The following UCHL5 variants were observed in gnomAD, a reference collection of about 807,000 sequenced individuals.
The protein encoded by UCHL5 is ubiquitin carboxyl-terminal hydrolase isozyme L5.
A neutral mutation model predicts 53.8 loss-of-function variants in UCHL5; 34 were observed. The observed-to-expected ratio is 0.63, with a 90% confidence interval of 0.48 to 0.84. The LOEUF (loss-of-function observed/expected upper bound fraction) is 0.84. Ranked by LOEUF, UCHL5 falls within the 40% of genes least tolerant of loss-of-function variation. The pLI is 0.00. For synonymous variants in UCHL5, 111 were observed against 126.3 expected (o/e 0.88, Z 0.81); for missense variants, 290 against 385.6 (o/e 0.75, Z 2.08).
At chr1:193,025,722 C>G (rs1282739531) in intron 7 of UCHL5, among the ~76,000 whole-genome samples, 1 of 152,096 alleles carries the variant, frequency 6.6e-6, no homozygotes, top group Non-Finnish European at 1.5e-5. Flanking sequence ...CTGTCAGAGC[C>G]ATGTCCATAA....
chr1:193,020,203 T>A lies in UCHL5; in HGVS notation c.942+894A>T. The stretch of plus-strand genomic sequence containing the variant: ...TAAGGTAATATACACAAAAAACTTA[T>A]TAGCTCACATCTCATATTATTTAGA... On this transcript the variant is annotated intron_variant, in intron 10 of 10. Transcript: ENST00000367454. The A allele has an allele frequency of 2.2e-6, 3 of 1,379,870 alleles. No homozygotes were observed. In the South Asian group the frequency reaches 5.6e-5, roughly 26 times the overall value. The allele number at this position is 1,379,870 out of a possible 1,614,324, so 85.5% of individuals were successfully genotyped here. A position where few individuals can be genotyped will look rare whatever the true frequency, so the allele number is the denominator to read the frequency against.
intron 2 of UCHL5, among the ~76,000 whole-genome samples, chr1:193,050,997 T>C (rs1668866031): frequency 6.6e-6 from 1 of 152,192 alleles, no homozygotes; most frequent in African/African-American, 2.4e-5. Flanking sequence ...TGATCTCATT[T>C]CATCTAAAGT....
intron 3 of UCHL5, among the ~76,000 whole-genome samples, chr1:193,040,289 C>T (rs1665101775): frequency 6.6e-6 from 1 of 152,046 alleles, no homozygotes. Flanking sequence ...GAAGCTCAAG[C>T]AACTCAACAG....
chr1:193,022,871 T>C, intron 9 of UCHL5, 55 bp downstream of exon 9: 1 of 1,266,264 alleles, frequency 7.9e-7, no homozygotes, highest in Middle Eastern at 2.7e-4. Context: ...ACCTTCATCT[T>C]GAAATATACT....
chr1:193,025,122 C>T (rs1658679149), intron 7 of UCHL5, among the ~76,000 whole-genome samples: 1 of 152,002 alleles, frequency 6.6e-6, no homozygotes, highest in Non-Finnish European at 1.5e-5. Context: ...ACCAGCAACC[C>T]AGAAATACCA....
At chr1:193,037,920 C>A (rs1664131391) in intron 3 of UCHL5, among the ~76,000 whole-genome samples, 1 of 141,504 alleles carries the variant, frequency 7.1e-6, no homozygotes, top group Admixed American at 7.1e-5. Flanking sequence ...AGGTCATTTA[C>A]CTTGATTAAG....
chr1:193,047,601 C>CT (rs758142898), intron 3 of UCHL5, among the ~76,000 whole-genome samples: 5 of 152,100 alleles, frequency 3.3e-5, no homozygotes, highest in Non-Finnish European at 5.9e-5. Flanking sequence ...TATTTTCCAC[C>CT]TTTCTAAAGG....
intron 10 of UCHL5, among the ~76,000 whole-genome samples, chr1:193,017,085 A>G (rs1054913497): frequency 6.6e-6 from 1 of 151,738 alleles, no homozygotes; most frequent in Non-Finnish European, 1.5e-5. Flanking sequence ...TTGCTTCTCA[A>G]TGTATATACC....
intron 2 of UCHL5, among the ~76,000 whole-genome samples, chr1:193,050,779 C>A (rs1266785011): frequency 6.6e-6 from 1 of 151,404 alleles, no homozygotes; most frequent in Non-Finnish European, 1.5e-5. Context: ...GGTTTCCTAT[C>A]TTTTTATTTG....
chr1:193,016,469 A>G (rs1163871314), intron 10 of UCHL5, 74 bp from the exon 11 acceptor site: 6 of 1,382,962 alleles, frequency 4.3e-6, no homozygotes, highest in Non-Finnish European at 5.9e-6. Flanking sequence ...AATGTGCCTA[A>G]GAGGGTATTC....
In UCHL5 at chr1:193,023,666, C is replaced by T. The variant is rs547266754; in HGVS notation, c.732+178G>A. 1.0e-3 allele frequency among the ~76,000 whole-genome samples: 153 copies of T among 152,248 alleles called. 1 individual carries two copies. Among genetic ancestry groups the T allele is most frequent in the South Asian group, 7.9e-3 (38 of 4,828 alleles). On this transcript the variant is annotated intron_variant, in intron 8 of 10. Transcript: ENST00000367454. ...AGAAACTGAGGCACAAGGAAATATA[C>T]TCAGATTCCTATATCCACTAAGTGC...
At chr1:193,050,523 A>C (rs1668668484) in intron 2 of UCHL5, among the ~76,000 whole-genome samples, 1 of 151,906 alleles carries the variant, frequency 6.6e-6, no homozygotes, top group African/African-American at 2.4e-5. Context: ...ACTTGAGGCC[A>C]GGAGTTCGAG....
intron 7 of UCHL5, among the ~76,000 whole-genome samples, chr1:193,027,081 A>G (rs1333670626): frequency 6.6e-6 from 1 of 152,218 alleles, no homozygotes; most frequent in African/African-American, 2.4e-5. Flanking sequence ...AGGAAAGGGA[A>G]AGGCAGCAGG....
At chr1:193,041,013 G>C (rs906190262) in intron 3 of UCHL5, among the ~76,000 whole-genome samples, 4 of 152,128 alleles carry the variant, frequency 2.6e-5, no homozygotes, top group African/African-American at 9.7e-5. Context: ...AGGATGAAGG[G>C]AGTTTCATTA....
chr1:193,021,323 AT>A lies in UCHL5; in HGVS notation c.844-129del. On this transcript the variant is annotated intron_variant, in intron 9 of 10. Coordinates refer to ENST00000367454, the MANE Select transcript of UCHL5 (RefSeq NM_001199261.3). ...AGAAAATGATTTTAGAAATAATGAG[AT>A]TCCATTCCCACTGAGAATAAAAATT... 4 of 611,074 alleles carry A rather than the reference AT, an allele frequency of 6.5e-6. No individual in the cohort carries two copies. The South Asian group carries it at 9.1e-5, about 14-fold the overall frequency. 37.9% of individuals were successfully genotyped at this position (611,074 alleles called of 1,614,324 possible). A position where few individuals can be genotyped will look rare whatever the true frequency, so the allele number is the denominator to read the frequency against.
At chr1:193,051,664 C>A in intron 2 of UCHL5, 90 bp downstream of exon 2, 1 of 715,530 alleles carries the variant, frequency 1.4e-6, no homozygotes, top group Non-Finnish European at 2.2e-6. Flanking sequence ...CTAGAGTAAT[C>A]CAAGTAAAAT....
intron 7 of UCHL5, 100 bp downstream of exon 7, chr1:193,027,982 AAGT>A: frequency 6.4e-7 from 1 of 1,553,074 alleles, no homozygotes; most frequent in Non-Finnish European, 8.6e-7. Flanking sequence ...AGAAAAAAAA[AAGT>A]AGATGTTCAA....
At chr1:193,022,899 T>G (rs1321483056) in intron 9 of UCHL5, 27 bp downstream of exon 9, 1 of 1,512,612 alleles carries the variant, frequency 6.6e-7, no homozygotes, top group Non-Finnish European at 9.2e-7. Flanking sequence ...ATTAAAACAT[T>G]AAAGGAACAC....
rs966445534 is a variant in UCHL5, at chr1:193,012,838, T to C, written c.*3513A>G. The C allele has an allele frequency of 2.0e-5, 3 of 152,304 alleles. No individual in the cohort carries two copies. The highest frequency in any genetic ancestry group is 3.4e-3 in the Middle Eastern group (1 of 294). The allele number at this position is 152,304 out of a possible 1,614,324, so 9.4% of individuals were successfully genotyped here. ...AACAACTCAGATGTACCTCATAAGATTGGCTGAATAAATCACTGAATAGTT... is the reference window on the plus strand; with the variant it reads ...AACAACTCAGATGTACCTCATAAGACTGGCTGAATAAATCACTGAATAGTT... On this transcript the variant is annotated 3_prime_UTR_variant, in exon 11 of 11. Coordinates refer to ENST00000367454, the MANE Select transcript of UCHL5 (RefSeq NM_001199261.3).
Sources: allele counts gnomAD v4.1 joint callset (sites outside exome capture counted in the v4.1 genomes callset), GRCh38; gene constraint gnomAD v4.1.1; transcripts MANE v1.5; gene names NCBI Gene and HGNC (gene_info 2026-07-23, HGNC 2026-07-21).